The following GCG variants were observed in gnomAD, a reference collection of about 807,000 sequenced individuals.
GCG encodes glucagon.
A neutral mutation model predicts 22.8 loss-of-function variants in GCG; 11 were observed. That is an observed-to-expected ratio of 0.48 (90% CI 0.30 to 0.80). GCG has a LOEUF of 0.80. GCG is among the 30% of genes least tolerant of loss of function. GCG has a pLI of 0.06. For missense variants in GCG, 222 were observed against 222.0 expected (o/e 1.00, Z 0.00); for synonymous variants, 89 against 72.4 (o/e 1.23, Z -1.16).
At chr2:162,149,524 A>T (rs369951493) in intron 1 of GCG, among the ~76,000 whole-genome samples, 1 of 152,142 alleles carries the variant, frequency 6.6e-6, no homozygotes, top group African/African-American at 2.4e-5. Context: ...CCCACTGTAG[A>T]TGATATGCTA....
At chr2:162,144,436 A>G (rs943879703) in intron 4 of GCG, 4 of 390,522 alleles carry the variant, frequency 1.0e-5, no homozygotes, top group Non-Finnish European at 1.4e-5. Flanking sequence ...AGATTTTAGT[A>G]TATTGACAAT....
chr2:162,147,379 C>T lies in GCG; in HGVS notation c.228G>A (p.Gln76=). The change falls in exon 3 of 6, where the codon CAG becomes CAA. Residue 76 remains glutamine, a synonymous_variant. Coordinates refer to ENST00000418842, the MANE Select transcript of GCG (RefSeq NM_002054.5). Reference sequence around the variant, plus strand: ...TGTTCCTCTTGGTATTCATCAACCACTGCACAAAATCTTGGGCACGCCTGG... The same window carrying T: ...TGTTCCTCTTGGTATTCATCAACCATTGCACAAAATCTTGGGCACGCCTGG... ...LDSRRAQDFV[Q]WLMNTKRNRN... The T allele has an allele frequency of 6.2e-7, 1 of 1,613,212 alleles. No individual in the cohort carries two copies. Among genetic ancestry groups the T allele is most frequent in the Admixed American group, 1.7e-5 (1 of 59,984 alleles).
At chr2:162,151,012 GA>G (rs571061299) in intron 1 of GCG, among the ~76,000 whole-genome samples, 3,391 of 147,062 alleles carry the variant, frequency 0.023, 45 homozygotes, top group Non-Finnish European at 0.034. Context: ...ATCGAATTGT[GA>G]AAAAAAAAAG....
intron 1 of GCG, among the ~76,000 whole-genome samples, chr2:162,150,886 C>T (rs74412089): frequency 2.2e-3 from 336 of 151,994 alleles, no homozygotes; most frequent in Admixed American, 4.5e-3. Context: ...AAAGAACAAC[C>T]ATAAACCACA....
intron 3 of GCG, 64 bp downstream of exon 3, chr2:162,147,289 A>C (rs1057363051): frequency 1.7e-6 from 2 of 1,202,564 alleles, no homozygotes; most frequent in East Asian, 2.3e-5. Context: ...AATAATGTCA[A>C]GAGAAATTTT....
chr2:162,150,504 T>G (rs1037436350), intron 1 of GCG, among the ~76,000 whole-genome samples: 1 of 152,086 alleles, frequency 6.6e-6, no homozygotes, highest in African/African-American at 2.4e-5. Context: ...CAAAGGAACA[T>G]AATAGGAATG....
At chr2:162,149,467 C>T (rs1686780772) in intron 1 of GCG, among the ~76,000 whole-genome samples, 1 of 152,054 alleles carries the variant, frequency 6.6e-6, no homozygotes, top group African/African-American at 2.4e-5. Context: ...TTAGAAGGCT[C>T]ATTTCCAGAC....
At chr2:162,145,341 T>C in intron 4 of GCG, 199 bp downstream of exon 4, 1 of 478,346 alleles carries the variant, frequency 2.1e-6, no homozygotes, top group South Asian at 4.5e-5. Flanking sequence ...ATGTAACCTG[T>C]TTGGCTCTAT....
At chr2:162,143,571 A>G (rs1686607924) in intron 5 of GCG, among the ~76,000 whole-genome samples, 1 of 152,160 alleles carries the variant, frequency 6.6e-6, no homozygotes, top group Non-Finnish European at 1.5e-5. Flanking sequence ...CAATGCTATC[A>G]AACAATTATG....
Position 162,143,136 on chromosome 2 carries a change from A to T in GCG, c.*228T>A. On this transcript the variant is annotated 3_prime_UTR_variant, in exon 6 of 6. Coordinates refer to ENST00000418842, the MANE Select transcript of GCG (RefSeq NM_002054.5). ...TCATCCAAAATAAGAAGAAAATAACAGAATCTAGCACTTTCATATTTTAAA... is the reference window on the plus strand; with the variant it reads ...TCATCCAAAATAAGAAGAAAATAACTGAATCTAGCACTTTCATATTTTAAA... 5.2e-6 allele frequency: 2 copies of T among 385,934 alleles called. No homozygotes were observed. Among genetic ancestry groups the T allele is most frequent in the Non-Finnish European group, 9.5e-6 (2 of 209,904 alleles). The allele number at this position is 385,934 out of a possible 1,614,324, so 23.9% of individuals were successfully genotyped here.
intron 1 of GCG, among the ~76,000 whole-genome samples, chr2:162,151,469 G>A (rs746843122): frequency 1.7e-4 from 26 of 152,116 alleles, no homozygotes; most frequent in Admixed American, 5.9e-4. Context: ...TTATTGCAGA[G>A]GGTAGCTATT....
At chr2:162,145,459 C>A in intron 4 of GCG, 81 bp downstream of exon 4, 1 of 1,131,302 alleles carries the variant, frequency 8.8e-7, no homozygotes, top group Non-Finnish European at 1.2e-6. Context: ...CTTCTGTAAT[C>A]CAGATCCATA....
In GCG at chr2:162,143,150, TC is replaced by T. The variant is rs1686560756; in HGVS notation, c.*213del. ...AAGAAAATAACAGAATCTAGCACTT[TC>T]ATATTTTAAAGCTGATATTTTAGCA... is the stretch of plus-strand genomic sequence containing the variant. On this transcript the variant is annotated 3_prime_UTR_variant, in exon 6 of 6. Transcript: ENST00000418842. The T allele has an allele frequency of 2.5e-6, 1 of 399,690 alleles. No homozygotes were observed. The highest frequency in any genetic ancestry group is 2.1e-5 in the African/African-American group (1 of 48,362). The allele number at this position is 399,690 out of a possible 1,614,324, so 24.8% of individuals were successfully genotyped here.
rs1457779136 is a variant in GCG, at chr2:162,147,397, A to G, written c.210T>C (p.Arg70=). The G allele has an allele frequency of 6.2e-7, 1 of 1,613,324 alleles. No individual in the cohort carries two copies. Among genetic ancestry groups the G allele is most frequent in the South Asian group, 1.1e-5 (1 of 91,068 alleles). Residue 70 remains arginine (R), a synonymous_variant, in exon 3 of 6, where the codon CGT becomes CGC. Coordinates refer to ENST00000418842, the MANE Select transcript of GCG (RefSeq NM_002054.5). ...SDYSKYLDSR[R]AQDFVQWLMN... ...TCAACCACTGCACAAAATCTTGGGC[A>G]CGCCTGGAGTCCAGATACTTGCTGT...
intron 1 of GCG, among the ~76,000 whole-genome samples, chr2:162,151,233 A>G (rs78126946): frequency 2.0e-5 from 3 of 152,156 alleles, no homozygotes; most frequent in Non-Finnish European, 4.4e-5. Context: ...GAAGTCTTAC[A>G]GAAAGATTAA....
At chr2:162,145,871 T>A (rs1420039285) in intron 3 of GCG, among the ~76,000 whole-genome samples, 194 bp from the exon 4 acceptor site, 1 of 152,082 alleles carries the variant, frequency 6.6e-6, no homozygotes, top group Non-Finnish European at 1.5e-5. Flanking sequence ...AGAGAGCTAA[T>A]AACAATCGGT....
Position 162,144,155 on chromosome 2 carries a change from G to A in GCG, c.408C>T (p.Val136=), listed in dbSNP as rs202010736. 135 of 1,610,798 alleles carry A rather than the reference G, an allele frequency of 8.4e-5. No individual in the cohort carries two copies. The East Asian group carries it at 2.0e-3, about 24-fold the overall frequency. The change falls in exon 5 of 6, where the codon GTC becomes GTT. Residue 136 remains valine, a synonymous_variant. Coordinates refer to ENST00000418842, the MANE Select transcript of GCG (RefSeq NM_002054.5). The stretch of plus-strand genomic sequence containing the variant: ...TGCGGCCAAGTTCTTCAACAATGGC[G>A]ACCTCTTCTGGGAAACTAAGAAAAT... ...GRGRRDFPEE[V]AIVEELGRRH... is the part of the protein sequence containing the mutation.
At chr2:162,150,067 C>A (rs188463251) in intron 1 of GCG, among the ~76,000 whole-genome samples, 1 of 152,004 alleles carries the variant, frequency 6.6e-6, no homozygotes, top group Non-Finnish European at 1.5e-5. Context: ...AGATGCCCTG[C>A]GAAGCCATAG....
chr2:162,151,599 C>T (rs1036469123), intron 1 of GCG, among the ~76,000 whole-genome samples: 3 of 152,190 alleles, frequency 2.0e-5, no homozygotes, highest in African/African-American at 4.8e-5. Flanking sequence ...GCACCAAGTA[C>T]GCTATGTTTT....
Sources: gnomAD v4.1 joint callset for allele counts (sites outside exome capture counted in the v4.1 genomes callset) on GRCh38, gnomAD v4.1.1 for gene constraint, MANE v1.5 for transcripts, NCBI Gene and HGNC (gene_info 2026-07-23, HGNC 2026-07-21) for gene names.